The following SPAG9 variants were observed in gnomAD, a reference collection of about 807,000 sequenced individuals.
The protein encoded by SPAG9 is C-Jun-amino-terminal kinase-interacting protein 4.
Under a neutral mutation model 166.5 loss-of-function variants are expected in SPAG9, and 35 were observed. The ratio of observed to expected loss-of-function variants is 0.21; its 90% CI spans 0.16 to 0.28. SPAG9 has a LOEUF of 0.28. Among genes scored for constraint, SPAG9 ranks in the 10% least tolerant of loss-of-function variants. The pLI is 1.00. For missense variants in SPAG9, 1,235 were observed against 1,603.3 expected, an observed-to-expected ratio of 0.77 and a Z score of 3.92; for synonymous variants, 534 against 565.5, an observed-to-expected ratio of 0.94 and a Z score of 0.79.
chr17:51,024,639 G>C (rs371522702), intron 6 of SPAG9, among the ~76,000 whole-genome samples: 30 of 151,602 alleles, frequency 2.0e-4, no homozygotes, highest in Non-Finnish European at 3.1e-4. Context: ...CTTGAACCCA[G>C]GAGGCAAAGG....
intron 7 of SPAG9, 140 bp from the exon 8 acceptor site, chr17:51,020,398 G>T: frequency 1.7e-6 from 1 of 604,802 alleles, no homozygotes; most frequent in Non-Finnish European, 2.9e-6. Context: ...AGGAAATACA[G>T]CATTATACAA....
intron 25 of SPAG9, among the ~76,000 whole-genome samples, chr17:50,981,425 G>T (rs913442793): frequency 6.6e-6 from 1 of 151,824 alleles, no homozygotes; most frequent in African/African-American, 2.4e-5. Flanking sequence ...TGGATGGATG[G>T]ATGGATAGAC....
chr17:51,045,675 C>T (rs2046993731), intron 4 of SPAG9, among the ~76,000 whole-genome samples: 1 of 152,170 alleles, frequency 6.6e-6, no homozygotes, highest in African/African-American at 2.4e-5. Flanking sequence ...GAAATCTGAA[C>T]AAATCAGAGA....
In SPAG9 at chr17:51,120,442, T is replaced by A; in HGVS notation, c.215A>T (p.Gln72Leu). ...DSVFAQDQEH[Q>L]VELELLRDDN... ...GTCCCGCAGCAGCTCCAGCTCCACC[T>A]GGTGCTCCTGGTCCTGCGCGAACAC... The change falls in exon 1 of 30, where the codon CAG becomes CTG. Residue 72 changes from glutamine to leucine, a missense_variant. Physicochemically the swap from Gln to Leu is moderately radical, Grantham distance 113. This residue lies in a region of SPAG9 where 83 missense variants were observed against 149.8 expected (regional missense o/e 0.55). Coordinates refer to ENST00000262013, the MANE Select transcript of SPAG9 (RefSeq NM_001130528.3). This position sits in a 1 kb window ranked among gnomAD's most constrained non-coding sequence, Gnocchi z 4.7. The A allele has an allele frequency of 6.2e-7, 1 of 1,613,696 alleles. No individual in the cohort carries two copies. Among genetic ancestry groups the A allele is most frequent in the South Asian group, 1.1e-5 (1 of 91,038 alleles).
At chr17:50,973,608 T>C (rs1295381048) in intron 28 of SPAG9, among the ~76,000 whole-genome samples, 3 of 152,194 alleles carry the variant, frequency 2.0e-5, no homozygotes, top group Non-Finnish European at 4.4e-5. Flanking sequence ...TTTGACGTGT[T>C]AGCTCGATAC....
intron 1 of SPAG9, among the ~76,000 whole-genome samples, chr17:51,084,763 G>A (rs1324950445): frequency 6.6e-6 from 1 of 151,742 alleles, no homozygotes; most frequent in Non-Finnish European, 1.5e-5. Flanking sequence ...CTGTTTTAAA[G>A]AACATACAGC....
At chr17:50,985,043 A>T in intron 23 of SPAG9, 53 bp from the exon 24 acceptor site, 1 of 1,502,676 alleles carries the variant, frequency 6.7e-7, no homozygotes, top group South Asian at 1.1e-5. Context: ...TACAGAAGGG[A>T]CCACATGCTA....
At chr17:50,984,344 G>A (rs1046553866) in intron 24 of SPAG9, among the ~76,000 whole-genome samples, 4 of 152,090 alleles carry the variant, frequency 2.6e-5, no homozygotes, top group South Asian at 4.1e-4. Context: ...AAGTTTCTCC[G>A]AATTGCATAA....
At chr17:51,000,153 T>C (rs777066615) in intron 13 of SPAG9, among the ~76,000 whole-genome samples, 2 of 152,226 alleles carry the variant, frequency 1.3e-5, no homozygotes, top group Non-Finnish European at 2.9e-5. Context: ...GGGGTCATTT[T>C]TCACAAGACT....
chr17:50,977,209 A>G lies in SPAG9; in HGVS notation c.3422T>C (p.Leu1141Pro). 1 of 1,609,062 alleles carries G rather than the reference A, an allele frequency of 6.2e-7. No individual in the cohort carries two copies. Among genetic ancestry groups the G allele is most frequent in the South Asian group, 1.1e-5 (1 of 90,940 alleles). The stretch of plus-strand genomic sequence containing the variant: ...TGTAATTCTCACAAAAGAGAAGCCC[A>G]GTTTTCCAGTACCTGTAAAGAAAGG... ...YVSKMLGTGK[L>P]GFSFVRITAL... Residue 1141 changes from leucine (L) to proline (P), a missense_variant, in exon 27 of 30, where the codon CTG (leucine) becomes CCG (proline). Physicochemically the swap from Leu to Pro is moderately conservative, Grantham distance 98 (BLOSUM62 -3). Around this residue, in one of 6 missense-constraint regions of SPAG9, gnomAD observed 243 missense variants for 358.6 expected, o/e 0.68. Transcript: ENST00000262013.
chr17:51,056,981 T>G (rs1376317122), intron 2 of SPAG9, among the ~76,000 whole-genome samples: 1 of 152,088 alleles, frequency 6.6e-6, no homozygotes, highest in Non-Finnish European at 1.5e-5. Flanking sequence ...CTTGAGGTAG[T>G]GCTCACAGAG....
intron 12 of SPAG9, among the ~76,000 whole-genome samples, chr17:51,003,192 T>C (rs1467975333): frequency 1.3e-5 from 2 of 151,922 alleles, no homozygotes; most frequent in Non-Finnish European, 2.9e-5. Flanking sequence ...TGGGATATGA[T>C]TGCCACTGTA....
chr17:50,990,228 C>T, intron 20 of SPAG9: 1 of 542,392 alleles, frequency 1.8e-6, no homozygotes, highest in Non-Finnish European at 3.3e-6. Context: ...CAGGGTTTCA[C>T]TGTGTTAGCC....
rs185998768 is a variant in SPAG9, at chr17:50,984,639, T to C, written c.3088+284A>G. Among the ~76,000 whole-genome samples, 838 of 152,202 alleles carry C rather than the reference T, an allele frequency of 5.5e-3. 10 individuals carry two copies. The highest frequency in any genetic ancestry group is 5.6e-3 in the Non-Finnish European group (384 of 67,998). On this transcript the variant is annotated intron_variant, in intron 24 of 29. Coordinates refer to ENST00000262013, the MANE Select transcript of SPAG9 (RefSeq NM_001130528.3). ...AGGCGGAGCTTGCAGTGAGCTGAGATTGCGCCACTGCACTCCAGCCTGGGC... is the reference window on the plus strand; with the variant it reads ...AGGCGGAGCTTGCAGTGAGCTGAGACTGCGCCACTGCACTCCAGCCTGGGC...
intron 5 of SPAG9, among the ~76,000 whole-genome samples, chr17:51,037,691 T>TATATATATATATA (rs1179792305): frequency 3.6e-4 from 33 of 90,674 alleles, no homozygotes; most frequent in Non-Finnish European, 5.4e-4. Flanking sequence ...ATATAGTGTG[T>TATATATATATATA]GTGTGTGTGT....
At chr17:50,999,343 T>A (rs781029866) in intron 14 of SPAG9, 3 of 694,568 alleles carry the variant, frequency 4.3e-6, no homozygotes, top group Non-Finnish European at 6.7e-6. Flanking sequence ...ACTTATTTAA[T>A]GGGGATCCAG....
At chr17:51,076,400 G>C (rs2047971170) in intron 2 of SPAG9, among the ~76,000 whole-genome samples, 1 of 151,808 alleles carries the variant, frequency 6.6e-6, no homozygotes, top group Non-Finnish European at 1.5e-5. Context: ...ACGTTAGACA[G>C]AGTGAGATCC....
Position 51,005,272 on chromosome 17 carries a change from G to GA in SPAG9, c.1425-10dup, listed in dbSNP as rs760880192. 8.1e-6 allele frequency: 13 copies of GA among 1,612,416 alleles called. No individual in the cohort carries two copies. The African/African-American group carries it at 9.4e-5, about 12-fold the overall frequency. On this transcript the variant is annotated splice_polypyrimidine_tract_variant and intron_variant, in intron 11 of 29. Coordinates refer to ENST00000262013, the MANE Select transcript of SPAG9 (RefSeq NM_001130528.3). The stretch of plus-strand genomic sequence containing the variant: ...CAGCTTCTGCCCGAGCTCTAGTGGG[G>GA]AAAAAACAAAACAAAACATGTTATT...
chr17:50,990,270 C>T, intron 20 of SPAG9, 180 bp downstream of exon 20: 1 of 591,696 alleles, frequency 1.7e-6, no homozygotes, highest in South Asian at 1.9e-5. Flanking sequence ...CCTCGTGATC[C>T]ACCCGCCTTG....
Sources: gnomAD v4.1 joint callset for allele counts (sites outside exome capture counted in the v4.1 genomes callset) on GRCh38, gnomAD v4.1.1 for gene constraint, gnomAD v4.1.1 regional missense constraint, Gnocchi (gnomAD v3.1) non-coding constraint, MANE v1.5 for transcripts, NCBI Gene and HGNC (gene_info 2026-07-23, HGNC 2026-07-21) for gene names.